Variants in ZNF354A observed in about 807,000 individuals in gnomAD.
ZNF354A encodes the protein epididymis luminal protein 104.
ZNF354A carries 25 observed loss-of-function variants against 53.3 expected under a neutral mutation model. The ratio of observed to expected loss-of-function variants is 0.47; its 90% CI spans 0.34 to 0.66. The LOEUF is 0.66. Ranked by LOEUF, ZNF354A falls within the 30% of genes least tolerant of loss-of-function variation. The probability of loss-of-function intolerance (pLI) is 0.01; values close to 1 mark genes in which losing one functional copy is unlikely to be tolerated. For missense variants in ZNF354A, 586 were observed against 716.8 expected (o/e 0.82, Z 2.08); for synonymous variants, 228 against 249.0 (o/e 0.92, Z 0.79).
chr5:178,726,850 T>A, intron 3 of ZNF354A, 149 bp downstream of exon 3: 2 of 1,233,500 alleles, frequency 1.6e-6, no homozygotes, highest in South Asian at 3.5e-5. Flanking sequence ...GGGGAATAGG[T>A]TTTTAATGTT....
At chr5:178,719,866 G>T (rs1317509230) in intron 4 of ZNF354A, among the ~76,000 whole-genome samples, 1 of 151,482 alleles carries the variant, frequency 6.6e-6, no homozygotes, top group Non-Finnish European at 1.5e-5. Context: ...AGAATGGCGT[G>T]AACCCGGGAG....
Position 178,711,885 on chromosome 5 carries a change from C to A in ZNF354A, c.*175G>T. Reference sequence around the variant, plus strand: ...TATTTTTTTAAGTGTCTGACAGGCACAAACACTTTCCTCATATCTATTATA... The same window carrying A: ...TATTTTTTTAAGTGTCTGACAGGCAAAAACACTTTCCTCATATCTATTATA... On this transcript the variant is annotated 3_prime_UTR_variant, in exon 5 of 5. Transcript: ENST00000335815. The A allele has an allele frequency of 1.5e-6, 1 of 679,686 alleles. No individual in the cohort carries two copies. The highest frequency in any genetic ancestry group is 3.5e-5 in the South Asian group (1 of 28,314). 42.1% of individuals were successfully genotyped at this position (679,686 alleles called of 1,614,324 possible).
chr5:178,711,777 G>A lies in ZNF354A; in HGVS notation c.*283C>T, dbSNP rs148639857. The A allele has an allele frequency of 2.8e-5, 8 of 283,076 alleles. No individual in the cohort carries two copies. Among genetic ancestry groups the A allele is most frequent in the Middle Eastern group, 1.1e-3 (1 of 888 alleles). The allele number at this position is 283,076 out of a possible 1,614,324, so 17.5% of individuals were successfully genotyped here. On this transcript the variant is annotated 3_prime_UTR_variant, in exon 5 of 5. Transcript: ENST00000335815. ...TGATCACGTGACATCTAGCATATAC[G>A]TCTGTAGGAAAAGGGAAAAAGCAAA...
chr5:178,713,689 G>GT, intron 4 of ZNF354A, 68 bp from the exon 5 acceptor site: 3 of 1,473,268 alleles, frequency 2.0e-6, no homozygotes, highest in South Asian at 1.5e-5. Flanking sequence ...GAGACTAAAA[G>GT]TGTAGAAGGA....
intron 1 of ZNF354A, 61 bp downstream of exon 1, chr5:178,730,495 C>G (rs1372356804): frequency 2.0e-5 from 3 of 152,246 alleles, no homozygotes; most frequent in African/African-American, 4.8e-5. Flanking sequence ...CCTCGGCAGC[C>G]GCAGGCAGTC....
Position 178,711,968 on chromosome 5 carries a change from T to C in ZNF354A, c.*92A>G. The C allele has an allele frequency of 2.1e-6, 3 of 1,458,230 alleles. No homozygotes were observed. Among genetic ancestry groups the C allele is most frequent in the Non-Finnish European group, 2.7e-6 (3 of 1,092,404 alleles). The allele number at this position is 1,458,230 out of a possible 1,614,324, so 90.3% of individuals were successfully genotyped here. A position where few individuals can be genotyped will look rare whatever the true frequency, so the allele number is the denominator to read the frequency against. ...AATGAGGGCTAAATTATTACAGTTT[T>C]TTTCACATCCATTACATTTATTACA... On this transcript the variant is annotated 3_prime_UTR_variant, in exon 5 of 5. Transcript: ENST00000335815.
chr5:178,728,567 A>G (rs1408173852), intron 2 of ZNF354A, among the ~76,000 whole-genome samples: 1 of 151,730 alleles, frequency 6.6e-6, no homozygotes, highest in African/African-American at 2.4e-5. Flanking sequence ...AGGCGGGTGG[A>G]TCACCTGAGG....
chr5:178,719,666 G>A (rs985917778), intron 4 of ZNF354A, among the ~76,000 whole-genome samples: 2 of 152,094 alleles, frequency 1.3e-5, no homozygotes, highest in Non-Finnish European at 2.9e-5. Flanking sequence ...TGTCACTTGC[G>A]GCCGGGCGCG....
At chr5:178,720,191 T>C (rs1765786542) in intron 4 of ZNF354A, among the ~76,000 whole-genome samples, 1 of 152,220 alleles carries the variant, frequency 6.6e-6, no homozygotes, top group African/African-American at 2.4e-5. Flanking sequence ...GTAAAAGTAG[T>C]GTGAATTGTA....
chr5:178,724,939 C>G (rs556490073), intron 4 of ZNF354A, among the ~76,000 whole-genome samples: 2 of 152,274 alleles, frequency 1.3e-5, no homozygotes, highest in South Asian at 2.1e-4. Context: ...TACCAAGGAC[C>G]ATATGATTCC....
At chr5:178,717,616 C>T (rs56236920) in intron 4 of ZNF354A, among the ~76,000 whole-genome samples, 36,988 of 151,794 alleles carry the variant, frequency 0.24, 5,058 homozygotes, top group South Asian at 0.39. Flanking sequence ...CAGGAAGATA[C>T]TGAAATACTA....
chr5:178,719,612 C>T (rs1003777243), intron 4 of ZNF354A, among the ~76,000 whole-genome samples: 1 of 152,222 alleles, frequency 6.6e-6, no homozygotes, highest in African/African-American at 2.4e-5. Flanking sequence ...TCCACCCCCA[C>T]CTTATCCTAT....
chr5:178,715,466 G>A (rs529282107), intron 4 of ZNF354A, among the ~76,000 whole-genome samples: 1 of 151,570 alleles, frequency 6.6e-6, no homozygotes, highest in Non-Finnish European at 1.5e-5. Flanking sequence ...ACTATTTACT[G>A]TAAGGGAAAG....
intron 1 of ZNF354A, among the ~76,000 whole-genome samples, 188 bp downstream of exon 1, chr5:178,730,368 C>T (rs1173331993): frequency 1.3e-5 from 2 of 151,706 alleles, no homozygotes; most frequent in Non-Finnish European, 2.9e-5. Flanking sequence ...GAGCCGGACG[C>T]GGGTGCACCA....
Position 178,712,335 on chromosome 5 carries a change from T to C in ZNF354A, c.1543A>G (p.Ile515Val), listed in dbSNP as rs1765634491. The change falls in exon 5 of 5, where the codon ATT becomes GTT. Residue 515 changes from isoleucine to valine, a missense_variant. Transcript: ENST00000335815. ...CNSSLSNHQR[I>V]HTGEKPYRCE... ...CGATATGGTTTCTCTCCAGTATGAA[T>C]TCTCTGGTGATTACTAAGTGATGAG... The C allele has an allele frequency of 1.2e-6, 2 of 1,614,054 alleles. No homozygotes were observed. Among genetic ancestry groups the C allele is most frequent in the Admixed American group, 1.7e-5 (1 of 60,012 alleles).
At chr5:178,730,248 C>A (rs943772610) in intron 1 of ZNF354A, among the ~76,000 whole-genome samples, 30 of 152,236 alleles carry the variant, frequency 2.0e-4, no homozygotes, top group African/African-American at 7.2e-4. Flanking sequence ...GAAACCGGGG[C>A]CCGGCTGCGT....
intron 4 of ZNF354A, among the ~76,000 whole-genome samples, chr5:178,714,210 G>A (rs1011641689): frequency 2.0e-5 from 3 of 151,944 alleles, no homozygotes; most frequent in Non-Finnish European, 4.4e-5. Flanking sequence ...TCACCGTGTT[G>A]GCCAGGCTGG....
intron 1 of ZNF354A, among the ~76,000 whole-genome samples, chr5:178,729,824 G>C (rs1238086381): frequency 1.3e-5 from 2 of 151,648 alleles, no homozygotes; most frequent in East Asian, 3.9e-4. Flanking sequence ...TAGGATTACA[G>C]GCGTGAGCCA....
At chr5:178,722,827 A>G (rs545400323) in intron 4 of ZNF354A, among the ~76,000 whole-genome samples, 325 of 152,326 alleles carry the variant, frequency 2.1e-3, no homozygotes, top group African/African-American at 7.6e-3. Flanking sequence ...AGGGAAAATA[A>G]AGCACGGTGA....
Sources: allele counts gnomAD v4.1 joint callset (sites outside exome capture counted in the v4.1 genomes callset), GRCh38; gene constraint gnomAD v4.1.1; transcripts MANE v1.5; gene names NCBI Gene and HGNC (gene_info 2026-07-23, HGNC 2026-07-21).